Variants in SPART observed in about 807,000 individuals in gnomAD.
The protein encoded by SPART is spastic paraplegia 20 (Troyer syndrome).
A neutral mutation model predicts 58.7 loss-of-function variants in SPART; 35 were observed. That is an observed-to-expected ratio of 0.60 (90% CI 0.46 to 0.79). The LOEUF (loss-of-function observed/expected upper bound fraction) is 0.79, where lower values mean the gene tolerates loss of function less well. SPART is among the 30% of genes least tolerant of loss of function. The pLI is 0.00. For missense variants in SPART, 730 were observed against 786.1 expected (o/e 0.93, Z 0.85); for synonymous variants, 284 against 280.7 (o/e 1.01, Z -0.12).
intron 1 of SPART, among the ~76,000 whole-genome samples, chr13:36,352,872 A>G (rs996221968): frequency 6.6e-6 from 1 of 152,100 alleles, no homozygotes. Context: ...AGGTGGGAGA[A>G]TCTCTCAAGC....
intron 5 of SPART, among the ~76,000 whole-genome samples, chr13:36,320,544 A>G (rs989849767): frequency 3.3e-5 from 5 of 152,152 alleles, no homozygotes; most frequent in Non-Finnish European, 7.3e-5. Context: ...GTGGAAATCT[A>G]TCCTCAAGGA....
intron 5 of SPART, among the ~76,000 whole-genome samples, chr13:36,315,180 C>T (rs1165584838): frequency 1.3e-5 from 2 of 151,984 alleles, no homozygotes; most frequent in African/African-American, 2.4e-5. Context: ...GAAGTGCTCA[C>T]CAGAGGAACA....
chr13:36,359,088 A>G (rs1885737082), intron 1 of SPART, among the ~76,000 whole-genome samples: 2 of 152,244 alleles, frequency 1.3e-5, no homozygotes, highest in Non-Finnish European at 2.9e-5. Context: ...GTTCCAAACC[A>G]CAGCAAGTAC....
chr13:36,367,162 C>A (rs969286863), intron 1 of SPART, among the ~76,000 whole-genome samples: 2 of 152,136 alleles, frequency 1.3e-5, no homozygotes, highest in Non-Finnish European at 2.9e-5. Context: ...GGAAAAGTTT[C>A]TTGTAAAGCC....
rs181640402 is a variant in SPART, at chr13:36,328,339, A to C, written c.1164+1023T>G. Among the ~76,000 whole-genome samples the C allele has an allele frequency of 2.6e-5, 4 of 152,318 alleles. No homozygotes were observed. The East Asian group carries it at 5.8e-4, about 22-fold the overall frequency. ...CAATACTAAACTGCCTATGATACTCAAGACAATGCTGTTTTATTCATATAC... is the reference window on the plus strand; with the variant it reads ...CAATACTAAACTGCCTATGATACTCCAGACAATGCTGTTTTATTCATATAC... On this transcript the variant is annotated intron_variant, in intron 4 of 8. Transcript: ENST00000438666.
intron 5 of SPART, among the ~76,000 whole-genome samples, chr13:36,318,537 C>A (rs1442210912): frequency 6.6e-6 from 1 of 152,142 alleles, no homozygotes. Context: ...CCCTCAAACC[C>A]CACAACAGGA....
intron 1 of SPART, among the ~76,000 whole-genome samples, chr13:36,353,646 T>A (rs1022575660): frequency 2.7e-4 from 41 of 152,166 alleles, no homozygotes; most frequent in African/African-American, 9.7e-4. Flanking sequence ...AATAATTCTT[T>A]GATCGGGGAT....
chr13:36,320,567 G>A (rs1882270341), intron 5 of SPART, among the ~76,000 whole-genome samples: 1 of 152,068 alleles, frequency 6.6e-6, no homozygotes, highest in Non-Finnish European at 1.5e-5. Context: ...TAACTTCTCA[G>A]TGTTACATCT....
intron 1 of SPART, chr13:36,368,283 G>A: frequency 5.5e-6 from 2 of 362,288 alleles, no homozygotes; most frequent in Non-Finnish European, 1.1e-5. Context: ...GCATAAATGA[G>A]CTTCCAAATG....
At chr13:36,344,946 T>A (rs555019544) in intron 1 of SPART, among the ~76,000 whole-genome samples, 2 of 152,350 alleles carry the variant, frequency 1.3e-5, no homozygotes, top group Admixed American at 1.3e-4. Flanking sequence ...CATAACTACA[T>A]GTATGTCTGT....
At position 36,335,468 on chromosome 13, in the gene SPART, G is replaced by T; in HGVS notation, c.363C>A (p.Asp121Glu). 6.2e-7 allele frequency: 1 copy of T among 1,614,066 alleles called. No individual in the cohort carries two copies. The highest frequency in any genetic ancestry group is 8.5e-7 in the Non-Finnish European group (1 of 1,179,998). Residue 121 changes from aspartate (D) to glutamate (E), a missense_variant, in exon 2 of 9, where the codon GAC becomes GAA. Coordinates refer to ENST00000438666, the MANE Select transcript of SPART (RefSeq NM_015087.5). ...PKLYPEFPPKDMCEKLPEPQS... is the reference protein window; with the variant it reads ...PKLYPEFPPKEMCEKLPEPQS... ...GAGGCTCTGGTAATTTTTCACACAT[G>T]TCTTTAGGTGGAAATTCTGGATATA...
At chr13:36,323,315 C>T (rs887838540) in intron 5 of SPART, among the ~76,000 whole-genome samples, 1 of 152,160 alleles carries the variant, frequency 6.6e-6, no homozygotes, top group African/African-American at 2.4e-5. Flanking sequence ...AGGTGGGCTC[C>T]ATCAGTTTAT....
chr13:36,361,669 G>A (rs892098297), intron 1 of SPART, among the ~76,000 whole-genome samples: 1 of 152,132 alleles, frequency 6.6e-6, no homozygotes, highest in Non-Finnish European at 1.5e-5. Context: ...CCCCCAAAGT[G>A]CTTACACCAC....
At chr13:36,360,578 G>A (rs1885815363) in intron 1 of SPART, 1 of 152,628 alleles carries the variant, frequency 6.6e-6, no homozygotes, top group South Asian at 2.1e-4. Flanking sequence ...CAGGCATTGT[G>A]CTAGGCACTT....
At chr13:36,330,046 G>A (rs542621446) in intron 3 of SPART, among the ~76,000 whole-genome samples, 4 of 152,200 alleles carry the variant, frequency 2.6e-5, no homozygotes, top group Non-Finnish European at 5.9e-5. Context: ...AGTAAAGCAA[G>A]CTAAAAATAA....
intron 1 of SPART, among the ~76,000 whole-genome samples, chr13:36,356,609 C>T (rs748402933): frequency 6.6e-6 from 1 of 152,150 alleles, no homozygotes; most frequent in Non-Finnish European, 1.5e-5. Flanking sequence ...TTAAAGTTGT[C>T]CCCCCTTTCT....
chr13:36,319,903 C>T (rs1476844517), intron 5 of SPART, among the ~76,000 whole-genome samples: 1 of 151,954 alleles, frequency 6.6e-6, no homozygotes, highest in Admixed American at 6.6e-5. Flanking sequence ...AACACACGTG[C>T]TCTCCCTGCC....
intron 4 of SPART, among the ~76,000 whole-genome samples, 154 bp downstream of exon 4, chr13:36,329,207 CA>C (rs1883228721): frequency 6.6e-6 from 1 of 152,190 alleles, no homozygotes; most frequent in Non-Finnish European, 1.5e-5. Flanking sequence ...GGAAATACTA[CA>C]ACTGATTCTA....
Position 36,302,932 on chromosome 13 carries a change from T to C in SPART, c.*1433A>G, listed in dbSNP as rs899179255. On this transcript the variant is annotated 3_prime_UTR_variant, in exon 9 of 9. Transcript: ENST00000438666. ...ACCATCATTCTACTCTCTATCTCCT[T>C]AAGTTTGATTATTGTAATTTTTAGC... 17 of 152,248 alleles carry C rather than the reference T, an allele frequency of 1.1e-4. No individual in the cohort carries two copies. The highest frequency in any genetic ancestry group is 3.6e-4 in the African/African-American group (15 of 41,546). The allele number at this position is 152,248 out of a possible 1,614,324, so 9.4% of individuals were successfully genotyped here.
Sources: allele counts gnomAD v4.1 joint callset (sites outside exome capture counted in the v4.1 genomes callset), GRCh38; gene constraint gnomAD v4.1.1; transcripts MANE v1.5; gene names NCBI Gene and HGNC (gene_info 2026-07-23, HGNC 2026-07-21).